GRIN2B: variants seen among roughly 807,000 people sequenced by gnomAD.
GRIN2B encodes the protein glutamate receptor ionotropic, NMDA 2B.
A neutral mutation model predicts 114.5 loss-of-function variants in GRIN2B; 5 were observed. The observed-to-expected ratio is 0.04, with a 90% CI of 0.02 to 0.09. The LOEUF is 0.09. GRIN2B is among the 10% of genes least tolerant of loss of function. GRIN2B has a pLI of 1.00. For synonymous variants in GRIN2B, 787 were observed against 745.1 expected, an observed-to-expected ratio of 1.06 and a Z score of -0.92; for missense variants, 1,108 against 1,943.5, an observed-to-expected ratio of 0.57 and a Z score of 8.08.
intron 3 of GRIN2B, among the ~76,000 whole-genome samples, chr12:13,781,035 G>T (rs1864103125): frequency 6.6e-6 from 1 of 152,136 alleles, no homozygotes; most frequent in South Asian, 2.1e-4. Flanking sequence ...AGTTCCTTAT[G>T]TAGTTCTGGT....
At chr12:13,798,709 A>C (rs959921037) in intron 3 of GRIN2B, among the ~76,000 whole-genome samples, 1 of 152,198 alleles carries the variant, frequency 6.6e-6, no homozygotes, top group African/African-American at 2.4e-5. Flanking sequence ...CACAGAATTT[A>C]AATTCTTTTT....
rs1314132865 is a variant in GRIN2B, at chr12:13,838,225, C to T, written c.411+27573G>A. 3.3e-5 allele frequency among the ~76,000 whole-genome samples: 5 copies of T among 152,268 alleles called. No homozygotes were observed. In the South Asian group the frequency reaches 6.2e-4, roughly 19 times the overall value. On this transcript the variant is annotated intron_variant, in intron 3 of 13. Transcript: ENST00000609686. ...TGTTTAACAAACACTACTTAAAATTCTCCTCAAGACAAAGCCTGAAGCACA... is the reference window on the plus strand; with the variant it reads ...TGTTTAACAAACACTACTTAAAATTTTCCTCAAGACAAAGCCTGAAGCACA...
At chr12:13,877,297 C>G (rs1866004836) in intron 2 of GRIN2B, among the ~76,000 whole-genome samples, 1 of 152,182 alleles carries the variant, frequency 6.6e-6, no homozygotes, top group South Asian at 2.1e-4. Context: ...AGCCCTGTAG[C>G]TAGGCCAGTG....
At chr12:13,887,276 T>C (rs989092281) in intron 2 of GRIN2B, among the ~76,000 whole-genome samples, 3 of 152,228 alleles carry the variant, frequency 2.0e-5, no homozygotes, top group African/African-American at 7.2e-5. Flanking sequence ...TAATTTGTAG[T>C]ATTTATACAG....
chr12:13,540,305 C>T lies in GRIN2B; in HGVS notation c.*22478G>A, dbSNP rs909760724. The T allele has an allele frequency of 2.0e-5, 3 of 152,010 alleles. No homozygotes were observed. Among genetic ancestry groups the T allele is most frequent in the African/African-American group, 7.2e-5 (3 of 41,386 alleles). 9.4% of individuals were successfully genotyped at this position (152,010 alleles called of 1,614,324 possible). A position where few individuals can be genotyped will look rare whatever the true frequency, so the allele number is the denominator to read the frequency against. Reference sequence around the variant, plus strand: ...ATATAAAGTGACAGAAATAATTTGCCATTAGAAAAGAGAAAGAATCTTTGA... The same window carrying T: ...ATATAAAGTGACAGAAATAATTTGCTATTAGAAAAGAGAAAGAATCTTTGA... On this transcript the variant is annotated 3_prime_UTR_variant, in exon 14 of 14. Transcript: ENST00000609686.
chr12:13,804,896 C>T (rs1079846), intron 3 of GRIN2B, among the ~76,000 whole-genome samples: 1,917 of 152,144 alleles, frequency 0.013, 16 homozygotes, highest in South Asian at 0.044. Flanking sequence ...GGTTAGTGTG[C>T]ACAGTGGCAT....
intron 3 of GRIN2B, among the ~76,000 whole-genome samples, chr12:13,823,888 C>T (rs1426973221): frequency 6.6e-6 from 1 of 152,000 alleles, no homozygotes; most frequent in East Asian, 1.9e-4. Flanking sequence ...AAACTGTTCC[C>T]TGCATTATTG....
intron 4 of GRIN2B, among the ~76,000 whole-genome samples, chr12:13,702,510 A>C (rs1244839736): frequency 1.3e-5 from 2 of 152,178 alleles, no homozygotes; most frequent in Non-Finnish European, 2.9e-5. Flanking sequence ...TGAAACTGTG[A>C]TAAGCGGCTA....
chr12:13,975,587 T>G (rs982766442), intron 2 of GRIN2B, among the ~76,000 whole-genome samples: 1 of 152,226 alleles, frequency 6.6e-6, no homozygotes, highest in Non-Finnish European at 1.5e-5. Flanking sequence ...ATTTTAACCC[T>G]TCCTAAACCC....
chr12:13,735,378 G>A (rs1379579843), intron 4 of GRIN2B, among the ~76,000 whole-genome samples: 1 of 152,118 alleles, frequency 6.6e-6, no homozygotes, highest in Non-Finnish European at 1.5e-5. Context: ...TGCTTGTTGG[G>A]GTCTTTGTCA....
intron 3 of GRIN2B, among the ~76,000 whole-genome samples, chr12:13,768,074 AAG>A (rs1863832371): frequency 6.6e-6 from 1 of 152,232 alleles, no homozygotes; most frequent in African/African-American, 2.4e-5. Context: ...TATGCACTAA[AAG>A]AGGATTTTCA....
At chr12:13,923,092 T>A (rs1014264412) in intron 2 of GRIN2B, among the ~76,000 whole-genome samples, 1 of 152,198 alleles carries the variant, frequency 6.6e-6, no homozygotes, top group Admixed American at 6.5e-5. Flanking sequence ...ATACTTCTTT[T>A]TTTTTCCTGA....
intron 3 of GRIN2B, among the ~76,000 whole-genome samples, chr12:13,811,444 A>G (rs1217089902): frequency 6.6e-6 from 1 of 152,246 alleles, no homozygotes; most frequent in Non-Finnish European, 1.5e-5. Context: ...AGCTGGGCAC[A>G]GTGGCATGTG....
intron 3 of GRIN2B, among the ~76,000 whole-genome samples, chr12:13,816,563 G>A (rs888144943): frequency 3.3e-5 from 5 of 152,268 alleles, no homozygotes; most frequent in African/African-American, 1.2e-4. Flanking sequence ...CTCTGGGAAG[G>A]AGTGAGCAGC....
chr12:13,596,517 A>G (rs1390102714), intron 10 of GRIN2B, among the ~76,000 whole-genome samples: 1 of 151,956 alleles, frequency 6.6e-6, no homozygotes, highest in African/African-American at 2.4e-5. Flanking sequence ...CCTTCCCTCC[A>G]CTCCATTTCT....
intron 2 of GRIN2B, among the ~76,000 whole-genome samples, chr12:13,911,158 A>G (rs1866621713): frequency 6.6e-6 from 1 of 152,126 alleles, no homozygotes; most frequent in African/African-American, 2.4e-5. Context: ...AAAAGACTGT[A>G]CCTAATTCAT....
intron 6 of GRIN2B, 104 bp downstream of exon 6, chr12:13,616,351 A>C: frequency 1.2e-6 from 1 of 800,572 alleles, no homozygotes; most frequent in East Asian, 2.5e-5. Flanking sequence ...AATCAGACAC[A>C]GTGCCCAATT....
intron 4 of GRIN2B, among the ~76,000 whole-genome samples, chr12:13,751,939 G>A (rs1863490815): frequency 6.6e-6 from 1 of 152,130 alleles, no homozygotes; most frequent in Non-Finnish European, 1.5e-5. Flanking sequence ...CAGAGAGGTA[G>A]AAGAAAAACC....
intron 3 of GRIN2B, among the ~76,000 whole-genome samples, chr12:13,863,056 T>C (rs994184472): frequency 8.5e-5 from 13 of 152,190 alleles, no homozygotes; most frequent in African/African-American, 3.1e-4. Context: ...TACCTCCTTA[T>C]TTGGCGGAGA....
Sources: allele counts gnomAD v4.1 joint callset (sites outside exome capture counted in the v4.1 genomes callset), GRCh38; gene constraint gnomAD v4.1.1; transcripts MANE v1.5; gene names NCBI Gene and HGNC (gene_info 2026-07-23, HGNC 2026-07-21).